Variants in CFAP44 observed in about 807,000 individuals in gnomAD.
CFAP44 encodes cilia and flagella associated protein 44.
CFAP44 carries 134 observed loss-of-function variants against 216.2 expected under a neutral mutation model. The ratio of observed to expected loss-of-function variants is 0.62; its 90% CI spans 0.54 to 0.72. The LOEUF (loss-of-function observed/expected upper bound fraction) is 0.72. Ranked by LOEUF, CFAP44 falls within the 30% of genes least tolerant of loss-of-function variation. The pLI, the probability that CFAP44 is intolerant of heterozygous loss-of-function variation, is 0.00. For missense variants in CFAP44, 2,035 were observed against 2,182.1 expected (o/e 0.93, Z 1.34); for synonymous variants, 700 against 727.6 (o/e 0.96, Z 0.61).
At chr3:113,422,565 C>A (rs1369339737) in intron 4 of CFAP44, among the ~76,000 whole-genome samples, 5 of 152,066 alleles carry the variant, frequency 3.3e-5, no homozygotes, top group East Asian at 1.9e-4. Flanking sequence ...AAAATTAAAT[C>A]TTGTATAGAA....
chr3:113,376,477 T>G (rs1324635952), intron 17 of CFAP44, among the ~76,000 whole-genome samples: 2 of 152,184 alleles, frequency 1.3e-5, no homozygotes, highest in African/African-American at 4.8e-5. Flanking sequence ...CACTCTGGAG[T>G]ATTTCAAACT....
At chr3:113,369,853 A>G (rs139819718) in intron 18 of CFAP44, among the ~76,000 whole-genome samples, 251 of 152,326 alleles carry the variant, frequency 1.6e-3, no homozygotes, top group Non-Finnish European at 2.4e-3. Flanking sequence ...ATAAAGAAGA[A>G]AAGAGAGGAA....
intron 22 of CFAP44, among the ~76,000 whole-genome samples, chr3:113,350,663 C>G (rs1338084536): frequency 1.3e-5 from 2 of 152,168 alleles, no homozygotes; most frequent in Admixed American, 1.3e-4. Flanking sequence ...GATCCTTGGC[C>G]CAGTGGCCCA....
At chr3:113,374,194 T>A (rs1019114360) in intron 17 of CFAP44, among the ~76,000 whole-genome samples, 2 of 151,956 alleles carry the variant, frequency 1.3e-5, no homozygotes, top group Non-Finnish European at 1.5e-5. Context: ...AACAGCAGAC[T>A]AGATTGTTTC....
At chr3:113,319,545 A>C (rs1374777440) in intron 28 of CFAP44, among the ~76,000 whole-genome samples, 1 of 152,162 alleles carries the variant, frequency 6.6e-6, no homozygotes, top group African/African-American at 2.4e-5. Flanking sequence ...GAAAACTAAC[A>C]AAAAAACTCT....
rs371441432 is a variant in CFAP44 at position 113,409,359 on chromosome 3, CA to C, written c.674-38del. On this transcript the variant is annotated intron_variant, in intron 6 of 34. Transcript: ENST00000393845. The stretch of plus-strand genomic sequence containing the variant: ...AATGGAAGCCTAATAAATAAGGACA[CA>C]TTTATTTCATTTTCAAAAACATATT... The C allele has an allele frequency of 2.3e-4, 352 of 1,544,850 alleles. No homozygotes were observed. In the African/African-American group the frequency reaches 3.8e-3, roughly 17 times the overall value.
In CFAP44 at chr3:113,288,212, AG is replaced by A. The variant is rs1414213355; in HGVS notation, c.*3344del. 3.9e-5 allele frequency: 6 copies of A among 152,184 alleles called. No individual in the cohort carries two copies. Among genetic ancestry groups the A allele is most frequent in the Non-Finnish European group, 8.8e-5 (6 of 68,036 alleles). 9.4% of individuals were successfully genotyped at this position (152,184 alleles called of 1,614,324 possible). ...TGAAGAATTTGATAAACAGGGTCCT[AG>A]GGAAGAGTCACTCTGACTGTTTAGG... On this transcript the variant is annotated 3_prime_UTR_variant, in exon 35 of 35. Transcript: ENST00000393845.
At chr3:113,348,059 C>T (rs1211450538) in intron 22 of CFAP44, among the ~76,000 whole-genome samples, 1 of 152,198 alleles carries the variant, frequency 6.6e-6, no homozygotes, top group Non-Finnish European at 1.5e-5. Flanking sequence ...TTTGCTGCTG[C>T]ATTGGTGAGC....
At chr3:113,361,949 G>A (rs535452407) in intron 21 of CFAP44, among the ~76,000 whole-genome samples, 5 of 151,924 alleles carry the variant, frequency 3.3e-5, no homozygotes, top group African/African-American at 9.7e-5. Flanking sequence ...ACCAGCACAA[G>A]TGTTATAAGA....
intron 4 of CFAP44, among the ~76,000 whole-genome samples, chr3:113,421,592 C>A (rs1934816115): frequency 1.3e-5 from 2 of 152,166 alleles, no homozygotes; most frequent in African/African-American, 4.8e-5. Context: ...AACCTAGATA[C>A]CCATCAGTGG....
chr3:113,345,720 G>T (rs973279235), intron 22 of CFAP44, among the ~76,000 whole-genome samples: 1 of 151,822 alleles, frequency 6.6e-6, no homozygotes, highest in African/African-American at 2.4e-5. Context: ...TTCATCAATT[G>T]CCTTGTTATT....
Position 113,334,378 on chromosome 3 carries a change from T to C in CFAP44, c.3438-795A>G, listed in dbSNP as rs9832841. Reference sequence around the variant, plus strand: ...CCCAGATTCCCTGAAAATGACAATATAGAAGTACAAAACATTGTAAATTAT... The same window carrying C: ...CCCAGATTCCCTGAAAATGACAATACAGAAGTACAAAACATTGTAAATTAT... On this transcript the variant is annotated intron_variant, in intron 24 of 34. Coordinates refer to ENST00000393845, the MANE Select transcript of CFAP44 (RefSeq NM_001164496.2). Among the ~76,000 whole-genome samples the C allele has an allele frequency of 9.0e-3, 1,367 of 152,226 alleles. 6 individuals carry two copies. Among genetic ancestry groups the C allele is most frequent in the Middle Eastern group, 0.027 (8 of 294 alleles).
intron 22 of CFAP44, among the ~76,000 whole-genome samples, chr3:113,356,970 A>G (rs1176898146): frequency 2.6e-5 from 4 of 152,160 alleles, no homozygotes; most frequent in African/African-American, 9.7e-5. Flanking sequence ...ATATATAAAT[A>G]ACCAAAAATA....
chr3:113,323,486 G>A (rs1038947099), intron 28 of CFAP44, among the ~76,000 whole-genome samples: 9 of 151,834 alleles, frequency 5.9e-5, no homozygotes, highest in African/African-American at 2.2e-4. Context: ...GAAGGAGGGG[G>A]GCATTGGCTG....
chr3:113,401,762 C>T, intron 9 of CFAP44, 23 bp from the exon 10 acceptor site: 1 of 1,580,522 alleles, frequency 6.3e-7, no homozygotes, highest in Non-Finnish European at 8.6e-7. Flanking sequence ...AAAGAAAATA[C>T]TTTAATCGAT....
chr3:113,316,638 G>A (rs556891007), intron 28 of CFAP44, among the ~76,000 whole-genome samples: 3 of 152,204 alleles, frequency 2.0e-5, no homozygotes, highest in South Asian at 4.1e-4. Flanking sequence ...AGAGACCGAG[G>A]TGGGTGGATC....
intron 15 of CFAP44, among the ~76,000 whole-genome samples, chr3:113,384,554 G>T (rs905956300): frequency 1.3e-5 from 2 of 152,108 alleles, no homozygotes; most frequent in African/African-American, 4.8e-5. Flanking sequence ...CAATATGATT[G>T]ATGTCTTTAT....
chr3:113,314,925 G>A (rs549246954), intron 28 of CFAP44, among the ~76,000 whole-genome samples: 1 of 151,948 alleles, frequency 6.6e-6, no homozygotes, highest in Non-Finnish European at 1.5e-5. Flanking sequence ...AACTTAAACA[G>A]TTATACGAAG....
chr3:113,343,656 T>C (rs1950355760), intron 23 of CFAP44, among the ~76,000 whole-genome samples: 1 of 151,972 alleles, frequency 6.6e-6, no homozygotes, highest in South Asian at 2.1e-4. Context: ...TGAGGAAGTG[T>C]TAGACATAAT....
Sources: gnomAD v4.1 joint callset for allele counts (sites outside exome capture counted in the v4.1 genomes callset) on GRCh38, gnomAD v4.1.1 for gene constraint, MANE v1.5 for transcripts, NCBI Gene and HGNC (gene_info 2026-07-23, HGNC 2026-07-21) for gene names.